Variants in ACVR1C observed in about 807,000 individuals in gnomAD.
ACVR1C encodes activin A receptor type 1C, also known as activin receptor type-1C.
A neutral mutation model predicts 57.9 loss-of-function variants in ACVR1C; 23 were observed. That is an observed-to-expected ratio of 0.40 (90% confidence interval 0.29 to 0.56). The LOEUF is 0.56. Among genes scored for constraint, ACVR1C ranks in the 20% least tolerant of loss-of-function variants. ACVR1C has a pLI of 0.50. For missense variants in ACVR1C, 480 were observed against 607.9 expected (o/e 0.79, Z 2.21); for synonymous variants, 214 against 215.3 (o/e 0.99, Z 0.05).
At position 157,628,635 on chromosome 2, in the gene ACVR1C, C is replaced by T. The variant is rs1442622559; in HGVS notation, c.10G>A (p.Ala4Thr). The T allele has an allele frequency of 6.3e-7, 1 of 1,584,756 alleles. No homozygotes were observed. Among genetic ancestry groups the T allele is most frequent in the Non-Finnish European group, 8.6e-7 (1 of 1,167,064 alleles). The change falls in exon 1 of 9, where the codon GCG becomes ACG. Residue 4 changes from alanine to threonine, a missense_variant. Transcript: ENST00000243349. ...GCCTGGCGGAGCGCTGAGCAGAGCG[C>T]CCGGGTCATCGCCACCAGGCGGCCG... MTR[A>T]LCSALRQALL... is the part of the protein sequence containing the mutation.
Position 157,533,884 on chromosome 2 carries a change from T to C in ACVR1C, c.*34A>G. 1 of 1,509,704 alleles carries C rather than the reference T, an allele frequency of 6.6e-7. No homozygotes were observed. The highest frequency in any genetic ancestry group is 2.4e-5 in the East Asian group (1 of 41,508). The allele number at this position is 1,509,704 out of a possible 1,614,324, so 93.5% of individuals were successfully genotyped here. ...TAAAGGGGAAAATGGAAAAGAAAGC[T>C]ATGAGAGATTTCTTTTTAACATAAT... On this transcript the variant is annotated 3_prime_UTR_variant, in exon 9 of 9. Coordinates refer to ENST00000243349, the MANE Select transcript of ACVR1C (RefSeq NM_145259.3).
At chr2:157,566,876 G>GGCCT (rs1334413903) in intron 2 of ACVR1C, among the ~76,000 whole-genome samples, 1 of 151,882 alleles carries the variant, frequency 6.6e-6, no homozygotes, top group African/African-American at 2.4e-5. Context: ...AGCTCAAGGA[G>GGCCT]GCCTGCCTGC....
chr2:157,564,483 C>T lies in ACVR1C; in HGVS notation c.305-8151G>A, dbSNP rs554617423. Among the ~76,000 whole-genome samples the T allele has an allele frequency of 9.9e-5, 15 of 152,206 alleles. No individual in the cohort carries two copies. The South Asian group carries it at 1.9e-3, about 19-fold the overall frequency. ...GATGCTGGCGAGACTGTGGAGAAAT[C>T]GGAACACTTTTACACTATTGGTAGG... is the stretch of plus-strand genomic sequence containing the variant. On this transcript the variant is annotated intron_variant, in intron 2 of 8. Coordinates refer to ENST00000243349, the MANE Select transcript of ACVR1C (RefSeq NM_145259.3).
chr2:157,574,984 C>A (rs1246642014), intron 2 of ACVR1C, among the ~76,000 whole-genome samples: 3 of 152,088 alleles, frequency 2.0e-5, no homozygotes, highest in African/African-American at 7.2e-5. Flanking sequence ...TTTTAAGAGA[C>A]AGGGTCTTGC....
chr2:157,541,863 A>G (rs1444039401), intron 6 of ACVR1C, among the ~76,000 whole-genome samples: 1 of 152,156 alleles, frequency 6.6e-6, no homozygotes, highest in Non-Finnish European at 1.5e-5. Context: ...GCCTTTAACA[A>G]CTCCAAGAAA....
chr2:157,596,647 TTTG>T (rs1438814429), intron 1 of ACVR1C, among the ~76,000 whole-genome samples: 3 of 152,228 alleles, frequency 2.0e-5, no homozygotes, highest in African/African-American at 7.2e-5. Context: ...CAATTTATGA[TTTG>T]TTTTTTAGAC....
Position 157,628,636 on chromosome 2 carries a change from C to T in ACVR1C, c.9G>A (p.Arg3=). The part of the protein sequence containing the change: MT[R]ALCSALRQAL... ...CCTGGCGGAGCGCTGAGCAGAGCGC[C>T]CGGGTCATCGCCACCAGGCGGCCGC... is the stretch of plus-strand genomic sequence containing the variant. Residue 3 remains arginine (R), a synonymous_variant, in exon 1 of 9, where the codon CGG becomes CGA. Coordinates refer to ENST00000243349, the MANE Select transcript of ACVR1C (RefSeq NM_145259.3). The T allele has an allele frequency of 6.3e-7, 1 of 1,584,760 alleles. No homozygotes were observed. Among genetic ancestry groups the T allele is most frequent in the Non-Finnish European group, 8.6e-7 (1 of 1,167,072 alleles).
intron 1 of ACVR1C, chr2:157,597,353 C>G: frequency 1.0e-6 from 1 of 985,694 alleles, no homozygotes; most frequent in East Asian, 1.1e-4. Context: ...CGGGGAGCTC[C>G]CCTTGCCTGG....
chr2:157,541,679 A>G (rs1478253196), intron 6 of ACVR1C, among the ~76,000 whole-genome samples: 1 of 152,180 alleles, frequency 6.6e-6, no homozygotes, highest in Non-Finnish European at 1.5e-5. Flanking sequence ...TTTCTTGTAT[A>G]GGGAAAAGAA....
chr2:157,557,826 A>G (rs750852697), intron 2 of ACVR1C, among the ~76,000 whole-genome samples: 11 of 152,270 alleles, frequency 7.2e-5, no homozygotes, highest in Admixed American at 3.3e-4. Flanking sequence ...TTCATCTTGC[A>G]TTTAAGAAAT....
intron 4 of ACVR1C, among the ~76,000 whole-genome samples, chr2:157,546,826 C>A (rs1300063631): frequency 6.6e-6 from 1 of 150,776 alleles, no homozygotes; most frequent in East Asian, 1.9e-4. Flanking sequence ...TATTTTTTTT[C>A]TTTATTATAC....
chr2:157,559,996 C>A (rs182084938), intron 2 of ACVR1C, among the ~76,000 whole-genome samples: 1 of 150,818 alleles, frequency 6.6e-6, no homozygotes, highest in African/African-American at 2.4e-5. Flanking sequence ...AGGGAGGAAA[C>A]GAAGGAAGGA....
intron 2 of ACVR1C, among the ~76,000 whole-genome samples, chr2:157,557,390 G>A (rs77928329): frequency 0.071 from 10,870 of 152,184 alleles, 541 homozygotes; most frequent in East Asian, 0.24. Flanking sequence ...TTGGGAGACC[G>A]TGGTGTTGGC....
intron 8 of ACVR1C, among the ~76,000 whole-genome samples, chr2:157,535,400 C>T (rs920750078): frequency 1.3e-5 from 2 of 151,678 alleles, no homozygotes; most frequent in Non-Finnish European, 2.9e-5. Flanking sequence ...CCCATAGAAA[C>T]ATTAGATGCT....
chr2:157,544,559 A>T lies in ACVR1C; in HGVS notation c.829T>A (p.Ser277Thr), dbSNP rs1171057522. The T allele has an allele frequency of 3.7e-6, 6 of 1,613,756 alleles. No homozygotes were observed. Among genetic ancestry groups the T allele is most frequent in the Non-Finnish European group, 5.1e-6 (6 of 1,179,848 alleles). Residue 277 changes from serine (S) to threonine (T), a missense_variant, in exon 5 of 9, where the codon TCC becomes ACC. Ser to Thr is a moderately conservative substitution (Grantham distance 58). Coordinates refer to ENST00000243349, the MANE Select transcript of ACVR1C (RefSeq NM_145259.3). ...WLVSEYHEQG[S>T]LYDYLNRNIV... ...TTTCTATTCAAATAGTCATATAAGG[A>T]GCCCTGTTCATGATATTCAGATACC...
chr2:157,612,351 C>G (rs546931961), intron 1 of ACVR1C, among the ~76,000 whole-genome samples: 1 of 151,392 alleles, frequency 6.6e-6, no homozygotes, highest in African/African-American at 2.4e-5. Context: ...GGCAGCCCAC[C>G]CCAGCCTCTG....
intron 2 of ACVR1C, among the ~76,000 whole-genome samples, chr2:157,563,705 G>A (rs1199279422): frequency 1.3e-5 from 2 of 152,160 alleles, no homozygotes; most frequent in African/African-American, 4.8e-5. Flanking sequence ...CATGCTACCT[G>A]ACTTCAAACT....
chr2:157,534,044 C>A lies in ACVR1C; in HGVS notation c.1357-1G>T. On this transcript the variant is annotated splice_acceptor_variant, in intron 8 of 8. Coordinates refer to ENST00000243349, the MANE Select transcript of ACVR1C (RefSeq NM_145259.3). LOFTEE classifies it high-confidence loss of function. ...TTATTCTCCCCATGACTCGGAGTGC[C>A]TTTAAGAGAGAAAAAAAAAATCAAA... The A allele has an allele frequency of 1.3e-6, 2 of 1,539,008 alleles. No individual in the cohort carries two copies. Among genetic ancestry groups the A allele is most frequent in the Non-Finnish European group, 1.7e-6 (2 of 1,150,228 alleles).
intron 2 of ACVR1C, among the ~76,000 whole-genome samples, chr2:157,582,590 C>CA (rs1433225935): frequency 6.6e-6 from 1 of 152,060 alleles, no homozygotes; most frequent in Non-Finnish European, 1.5e-5. Context: ...CAGGCATCTA[C>CA]AAAAAAATCC....
Sources: gnomAD v4.1 joint callset for allele counts (sites outside exome capture counted in the v4.1 genomes callset) on GRCh38, gnomAD v4.1.1 for gene constraint, MANE v1.5 for transcripts, NCBI Gene and HGNC (gene_info 2026-07-23, HGNC 2026-07-21) for gene names.